The following FRMPD1 variants were observed in gnomAD, a reference collection of about 807,000 sequenced individuals.
FRMPD1 encodes FERM and PDZ domain-containing protein 1.
Under a neutral mutation model 117.8 loss-of-function variants are expected in FRMPD1, and 76 were observed. The ratio of observed to expected loss-of-function variants is 0.65; its 90% CI spans 0.54 to 0.78. FRMPD1 has a LOEUF of 0.78. Among genes scored for constraint, FRMPD1 ranks in the 30% least tolerant of loss-of-function variants. The pLI, the probability that FRMPD1 is intolerant of heterozygous loss-of-function variation, is 0.00. For missense variants in FRMPD1, 1,786 were observed against 1,964.5 expected (o/e 0.91, Z 1.72); for synonymous variants, 783 against 770.4 (o/e 1.02, Z -0.27).
At chr9:37,639,243 C>T in the FRMPD1 span, among the ~76,000 whole-genome samples, 1 of 152,118 alleles carries the variant, frequency 6.6e-6, no homozygotes, top group African/African-American at 2.4e-5. Context: ...AAAAAAAGTG[C>T]TTGCTTTTTA....
rs952528863 is a variant in FRMPD1 at position 37,729,948 on chromosome 9, CA to C, written c.738+96del. The C allele has an allele frequency of 3.8e-6, 5 of 1,308,562 alleles. No homozygotes were observed. The African/African-American group carries it at 7.3e-5, about 19-fold the overall frequency. 81.1% of individuals were successfully genotyped at this position (1,308,562 alleles called of 1,614,324 possible). On this transcript the variant is annotated intron_variant, in intron 8 of 15. Coordinates refer to ENST00000377765, the MANE Select transcript of FRMPD1 (RefSeq NM_014907.3). ...CTGGGGACAGGGCTCAGCACATCTG[CA>C]GGTTTGATGCACTTTCTCTTGCCCC...
chr9:37,634,764 C>CT, the FRMPD1 span, among the ~76,000 whole-genome samples: 1,588 of 143,436 alleles, frequency 0.011, 11 homozygotes, highest in Middle Eastern at 0.043. Flanking sequence ...TTTTCTTCTT[C>CT]TTTTTTTTTT....
At position 37,732,392 on chromosome 9, in the gene FRMPD1, G is replaced by A. The variant is rs201737747; in HGVS notation, c.947G>A (p.Arg316Gln). The change falls in exon 10 of 16, where the codon CGG becomes CAG. Residue 316 changes from arginine (R) to glutamine (Q), a missense_variant. Transcript: ENST00000377765. Reference protein sequence around the residue: ...LRLAALHIQERIYACAQPQKI... With the variant: ...LRLAALHIQEQIYACAQPQKI... Reference sequence around the variant, plus strand: ...CTCGCGGCTCTGCACATCCAGGAACGGATCTACGCCTGTGCCCAGCCACAG... The same window carrying A: ...CTCGCGGCTCTGCACATCCAGGAACAGATCTACGCCTGTGCCCAGCCACAG... 42 of 1,613,862 alleles carry A rather than the reference G, an allele frequency of 2.6e-5. No individual in the cohort carries two copies. The East Asian group carries it at 5.3e-4, about 21-fold the overall frequency.
At chr9:37,735,204 A>G (rs1051881456) in intron 12 of FRMPD1, among the ~76,000 whole-genome samples, 1 of 152,234 alleles carries the variant, frequency 6.6e-6, no homozygotes, top group East Asian at 1.9e-4. Context: ...GATGCTTTCC[A>G]TAGGCAGTAG....
At chr9:37,641,250 G>GA in the FRMPD1 span, among the ~76,000 whole-genome samples, 21 of 152,112 alleles carry the variant, frequency 1.4e-4, no homozygotes, top group African/African-American at 4.8e-4. Context: ...AGAATGAAGG[G>GA]AAAAAAGGAA....
intron 1 of FRMPD1, among the ~76,000 whole-genome samples, chr9:37,653,615 A>G (rs910490280): frequency 5.9e-5 from 9 of 152,128 alleles, no homozygotes. Flanking sequence ...GCTTATCACT[A>G]TGTACTCAAG....
At chr9:37,717,449 G>T (rs1027720837) in intron 5 of FRMPD1, among the ~76,000 whole-genome samples, 1 of 147,700 alleles carries the variant, frequency 6.8e-6, no homozygotes, top group South Asian at 2.1e-4. Context: ...GTGCAATCTC[G>T]GCTCACTGCA....
chr9:37,715,593 G>A (rs1488620241), intron 5 of FRMPD1: 2 of 454,304 alleles, frequency 4.4e-6, no homozygotes, highest in Non-Finnish European at 8.8e-6. Context: ...AATTAATTTA[G>A]AATCCAGAGA....
At chr9:37,604,009 G>T in the FRMPD1 span, among the ~76,000 whole-genome samples, 2 of 152,156 alleles carry the variant, frequency 1.3e-5, no homozygotes, top group African/African-American at 4.8e-5. Context: ...GCTTTTCACT[G>T]AAATTATCTG....
chr9:37,677,017 T>C (rs1821554084), intron 1 of FRMPD1, among the ~76,000 whole-genome samples: 2 of 152,182 alleles, frequency 1.3e-5, no homozygotes, highest in Non-Finnish European at 2.9e-5. Flanking sequence ...ACGAATTGCA[T>C]TTACTTTTGG....
At chr9:37,685,525 G>C (rs373173135) in intron 1 of FRMPD1, among the ~76,000 whole-genome samples, 2 of 151,902 alleles carry the variant, frequency 1.3e-5, no homozygotes, top group East Asian at 3.9e-4. Context: ...GGTGGCGGGC[G>C]CCTGTAGTCC....
chr9:37,637,808 T>A, the FRMPD1 span, among the ~76,000 whole-genome samples: 1 of 152,102 alleles, frequency 6.6e-6, no homozygotes, highest in African/African-American at 2.4e-5. Context: ...GAAGGTGCAT[T>A]GAGAAGTGTA....
the FRMPD1 span, among the ~76,000 whole-genome samples, chr9:37,642,237 T>C: frequency 0.15 from 22,544 of 152,162 alleles, 1,779 homozygotes; most frequent in African/African-American, 0.2. Flanking sequence ...AGAGTCTCTT[T>C]GTCTGCAAAA....
At chr9:37,620,307 A>G in the FRMPD1 span, among the ~76,000 whole-genome samples, 1 of 152,194 alleles carries the variant, frequency 6.6e-6, no homozygotes, top group Non-Finnish European at 1.5e-5. Context: ...ACCAAAAATA[A>G]TGAGCAGTTT....
chr9:37,701,403 T>C (rs985722910), intron 2 of FRMPD1, among the ~76,000 whole-genome samples: 7 of 152,278 alleles, frequency 4.6e-5, no homozygotes, highest in African/African-American at 1.4e-4. Context: ...AGGAGATATT[T>C]CCACCAAAAT....
At chr9:37,658,216 C>T (rs1820897022) in intron 1 of FRMPD1, among the ~76,000 whole-genome samples, 1 of 152,228 alleles carries the variant, frequency 6.6e-6, no homozygotes, top group Middle Eastern at 3.4e-3. Context: ...AAGCCCACTG[C>T]AGCCTCACTT....
chr9:37,717,422 C>T (rs1339479353), intron 5 of FRMPD1, among the ~76,000 whole-genome samples: 1 of 144,432 alleles, frequency 6.9e-6, no homozygotes, highest in African/African-American at 2.6e-5. Context: ...CTCTGTCATC[C>T]AGGCTGGAGT....
At position 37,678,347 on chromosome 9, in the gene FRMPD1, A is replaced by G. The variant is rs532612329; in HGVS notation, c.-4-14291A>G. 6.0e-3 allele frequency among the ~76,000 whole-genome samples: 797 copies of G among 132,186 alleles called. 5 individuals are homozygous for G. The highest frequency in any genetic ancestry group is 0.022 in the African/African-American group (766 of 34,676). The allele number at this position is 132,186 out of a possible 152,430, so 86.7% of individuals were successfully genotyped here. On this transcript the variant is annotated intron_variant, in intron 1 of 15. Coordinates refer to ENST00000377765, the MANE Select transcript of FRMPD1 (RefSeq NM_014907.3). ...GCAATCTCGGCTCACTGCAACCTCCACCTCCCAGGTTCAAGTGATTCTCCT... is the reference window on the plus strand; with the variant it reads ...GCAATCTCGGCTCACTGCAACCTCCGCCTCCCAGGTTCAAGTGATTCTCCT...
chr9:37,610,421 G>A, the FRMPD1 span, among the ~76,000 whole-genome samples: 4 of 150,134 alleles, frequency 2.7e-5, no homozygotes, highest in South Asian at 8.4e-4. Context: ...GGACTTGCTT[G>A]ACTTTATTTT....
Sources: allele counts gnomAD v4.1 joint callset (sites outside exome capture counted in the v4.1 genomes callset), GRCh38; gene constraint gnomAD v4.1.1; transcripts MANE v1.5; gene names NCBI Gene and HGNC (gene_info 2026-07-23, HGNC 2026-07-21).